CBFA2T3: variants seen among roughly 807,000 people sequenced by gnomAD.
The protein encoded by CBFA2T3 is CBFA2/RUNX1 partner transcriptional co-repressor 3, also known as transcriptional corepressor CBFA2T3.
Under a neutral mutation model 58.6 loss-of-function variants are expected in CBFA2T3, and 31 were observed. The ratio of observed to expected loss-of-function variants is 0.53; its 90% CI spans 0.40 to 0.71. The LOEUF (loss-of-function observed/expected upper bound fraction) is 0.71, where lower values mean the gene tolerates loss of function less well. Among genes scored for constraint, CBFA2T3 ranks in the 30% least tolerant of loss-of-function variants. CBFA2T3 has a pLI of 0.00. For missense variants in CBFA2T3, 1,076 were observed against 963.1 expected (o/e 1.12, Z -1.55); for synonymous variants, 531 against 421.9 (o/e 1.26, Z -3.17).
chr16:88,882,551 T>C (rs878959311), intron 8 of CBFA2T3, 125 bp downstream of exon 8: 1 of 664,484 alleles, frequency 1.5e-6, no homozygotes, highest in East Asian at 2.8e-5. Flanking sequence ...TGCATGGGTG[T>C]GGCTGTGTGT....
Position 88,977,202 on chromosome 16 carries a change from C to T in CBFA2T3, c.-395G>A, listed in dbSNP as rs1164787660. On this transcript the variant is annotated 5_prime_UTR_variant, in exon 1 of 12. Transcript: ENST00000268679. ...TGCGCGGCCTTCCCTCGGGCCATTC[C>T]GGTTTGACCTTCCAACAACTTCCTC... 9.3e-5 allele frequency: 24 copies of T among 259,192 alleles called. No homozygotes were observed. The highest frequency in any genetic ancestry group is 1.5e-4 in the Non-Finnish European group (20 of 133,132). The allele number at this position is 259,192 out of a possible 1,614,324, so 16.1% of individuals were successfully genotyped here. A position where few individuals can be genotyped will look rare whatever the true frequency, so the allele number is the denominator to read the frequency against.
At chr16:88,933,770 G>A (rs1971388888) in intron 1 of CBFA2T3, among the ~76,000 whole-genome samples, 1 of 136,690 alleles carries the variant, frequency 7.3e-6, no homozygotes, top group Admixed American at 7.2e-5. Context: ...GCCTCACAGT[G>A]CCACACGTCT....
intron 1 of CBFA2T3, among the ~76,000 whole-genome samples, chr16:88,962,392 G>C (rs756028185): frequency 6.6e-6 from 1 of 152,230 alleles, no homozygotes. Context: ...AACCAGCCTC[G>C]AAGGTGAATG....
chr16:88,944,490 G>A lies in CBFA2T3; in HGVS notation c.151+32167C>T, dbSNP rs1165365526. 2.0e-5 allele frequency among the ~76,000 whole-genome samples: 3 copies of A among 152,146 alleles called. No individual in the cohort carries two copies. The South Asian group carries it at 6.2e-4, about 31-fold the overall frequency. ...CGTGCCTGGCTCTAGGGCCCGCGGCGCACAGCGGGGCAGCCCCAGCTTTGC... is the reference window on the plus strand; with the variant it reads ...CGTGCCTGGCTCTAGGGCCCGCGGCACACAGCGGGGCAGCCCCAGCTTTGC... On this transcript the variant is annotated intron_variant, in intron 1 of 11. Coordinates refer to ENST00000268679, the MANE Select transcript of CBFA2T3 (RefSeq NM_005187.6).
chr16:88,910,641 C>T (rs1303552359), intron 1 of CBFA2T3, among the ~76,000 whole-genome samples: 5 of 152,174 alleles, frequency 3.3e-5, no homozygotes, highest in Non-Finnish European at 7.4e-5. Context: ...GGGCGGCCCT[C>T]GCAGCGGGGT....
intron 3 of CBFA2T3, among the ~76,000 whole-genome samples, chr16:88,892,795 G>A (rs1444749783): frequency 1.3e-5 from 2 of 152,184 alleles, no homozygotes; most frequent in Non-Finnish European, 2.9e-5. Context: ...GGTCCCCAAT[G>A]GGTAAGGGCT....
rs147020286 is a variant in CBFA2T3, at chr16:88,875,950, C to A, written c.*1026G>T. The A allele has an allele frequency of 1.1e-3, 251 of 233,200 alleles. 2 individuals carry two copies. Among genetic ancestry groups the A allele is most frequent in the African/African-American group, 5.3e-3 (242 of 45,420 alleles). The allele number at this position is 233,200 out of a possible 1,614,324, so 14.4% of individuals were successfully genotyped here. A position where few individuals can be genotyped will look rare whatever the true frequency, so the allele number is the denominator to read the frequency against. ...CACGCACACGCGGCGGACGCACCAA[C>A]GCCTACGCAGAAGAGAACAAAAGTC... is the stretch of plus-strand genomic sequence containing the variant. On this transcript the variant is annotated 3_prime_UTR_variant, in exon 12 of 12. Coordinates refer to ENST00000268679, the MANE Select transcript of CBFA2T3 (RefSeq NM_005187.6).
At chr16:88,910,619 G>A (rs759680680) in intron 1 of CBFA2T3, among the ~76,000 whole-genome samples, 13 of 152,226 alleles carry the variant, frequency 8.5e-5, no homozygotes, top group South Asian at 2.1e-4. Context: ...TGCGGATGGC[G>A]TGAGCAGTGC....
intron 5 of CBFA2T3, among the ~76,000 whole-genome samples, chr16:88,889,127 G>C (rs910330435): frequency 6.6e-6 from 1 of 151,742 alleles, no homozygotes; most frequent in Non-Finnish European, 1.5e-5. Context: ...GACTGGGAGG[G>C]GTGGAGTCCG....
chr16:88,962,052 A>G (rs58170073), intron 1 of CBFA2T3, among the ~76,000 whole-genome samples: 15,082 of 122,006 alleles, frequency 0.12, 1,712 homozygotes, highest in South Asian at 0.18. Context: ...CATAGTAACC[A>G]ACCCTCAGGG....
At chr16:88,905,744 A>C in intron 1 of CBFA2T3, among the ~76,000 whole-genome samples, 2 of 6,074 alleles carry the variant, frequency 3.3e-4, no homozygotes, top group South Asian at 5.0e-3. Context: ...GCGGGACTGG[A>C]GGGGCGGGGC....
chr16:88,934,841 G>A (rs1200997438), intron 1 of CBFA2T3, among the ~76,000 whole-genome samples: 5 of 152,200 alleles, frequency 3.3e-5, no homozygotes, highest in African/African-American at 4.8e-5. Flanking sequence ...CCGGGTTCAC[G>A]CTATTCTCCT....
At chr16:88,895,703 A>C (rs7188525) in intron 3 of CBFA2T3, among the ~76,000 whole-genome samples, 1 of 151,860 alleles carries the variant, frequency 6.6e-6, no homozygotes, top group African/African-American at 2.4e-5. Flanking sequence ...ACAGATACCC[A>C]CTGCAGGGGC....
intron 1 of CBFA2T3, among the ~76,000 whole-genome samples, chr16:88,905,551 A>C (rs1376293816): frequency 3.3e-5 from 5 of 151,494 alleles, no homozygotes; most frequent in Non-Finnish European, 4.4e-5. Context: ...CCTTCAAAGG[A>C]AGGCCCCCAG....
In CBFA2T3 at chr16:88,875,871, G is replaced by A; in HGVS notation, c.*1105C>T. The A allele has an allele frequency of 4.3e-6, 1 of 233,360 alleles. No homozygotes were observed. Among genetic ancestry groups the A allele is most frequent in the East Asian group, 6.0e-5 (1 of 16,568 alleles). 14.5% of individuals were successfully genotyped at this position (233,360 alleles called of 1,614,324 possible). A position where few individuals can be genotyped will look rare whatever the true frequency, so the allele number is the denominator to read the frequency against. On this transcript the variant is annotated 3_prime_UTR_variant, in exon 12 of 12. Transcript: ENST00000268679. The stretch of plus-strand genomic sequence containing the variant: ...GTCACAGGGGGCGTGAGGACAGACG[G>A]CGTGTCCTTTCCTACACATATGGAG...
rs1968914929 is a variant in CBFA2T3, at chr16:88,878,175, C to G, written c.1663-900G>C. ...CACCTGCCGTGAGGCCTCCACAGCCCCACTCCCCACACACTTCCACCTCCC... is the reference window on the plus strand; with the variant it reads ...CACCTGCCGTGAGGCCTCCACAGCCGCACTCCCCACACACTTCCACCTCCC... On this transcript the variant is annotated intron_variant, in intron 11 of 11. Coordinates refer to ENST00000268679, the MANE Select transcript of CBFA2T3 (RefSeq NM_005187.6). Among the ~76,000 whole-genome samples the G allele has an allele frequency of 2.0e-5, 3 of 152,256 alleles. No individual in the cohort carries two copies. The South Asian group carries it at 6.2e-4, about 31-fold the overall frequency.
chr16:88,913,045 G>T (rs972216275), intron 1 of CBFA2T3, among the ~76,000 whole-genome samples: 3 of 152,220 alleles, frequency 2.0e-5, no homozygotes, highest in Admixed American at 2.0e-4. Context: ...CTGCCCTTTC[G>T]ATGGGATTGC....
intron 1 of CBFA2T3, among the ~76,000 whole-genome samples, chr16:88,947,763 AG>A: frequency 6.6e-6 from 1 of 152,156 alleles, no homozygotes; most frequent in East Asian, 1.9e-4. Flanking sequence ...ATAATAAAAA[AG>A]TTAGCCGGGT....
Position 88,878,439 on chromosome 16 carries a change from C to T in CBFA2T3, c.1662+831G>A, listed in dbSNP as rs555279791. 7.9e-5 allele frequency among the ~76,000 whole-genome samples: 12 copies of T among 152,354 alleles called. No individual in the cohort carries two copies. In the South Asian group the frequency reaches 1.4e-3, roughly 18 times the overall value. Reference sequence around the variant, plus strand: ...TATCTCAAGGGACAGTCCTGGGGCTCCCCTGGAAAGGGTCTCTCCCTGTCC... The same window carrying T: ...TATCTCAAGGGACAGTCCTGGGGCTTCCCTGGAAAGGGTCTCTCCCTGTCC... On this transcript the variant is annotated intron_variant, in intron 11 of 11. Transcript: ENST00000268679.
Sources: gnomAD v4.1 joint callset for allele counts (sites outside exome capture counted in the v4.1 genomes callset) on GRCh38, gnomAD v4.1.1 for gene constraint, MANE v1.5 for transcripts, NCBI Gene and HGNC (gene_info 2026-07-23, HGNC 2026-07-21) for gene names.